Variants in MALRD1 observed in about 807,000 individuals in gnomAD.
The protein encoded by MALRD1 is MAM and LDL-receptor class A domain-containing protein 1.
Under a neutral mutation model 242.1 loss-of-function variants are expected in MALRD1, and 247 were observed. The observed-to-expected ratio is 1.02, with a 90% CI of 0.92 to 1.13. The LOEUF is 1.13. Among genes scored for constraint, MALRD1 ranks in the 50% most tolerant of loss-of-function variants. The pLI is 0.00. For missense variants in MALRD1, 2,989 were observed against 2,533.1 expected (o/e 1.18, Z -3.86); for synonymous variants, 995 against 866.6 (o/e 1.15, Z -2.60).
intron 2 of MALRD1, among the ~76,000 whole-genome samples, chr10:19,078,141 TTTTA>T (rs1252499006): frequency 2.6e-5 from 4 of 151,902 alleles, no homozygotes; most frequent in South Asian, 4.1e-4. Context: ...GAATTTTACA[TTTTA>T]TTTATTTATT....
At chr10:19,567,320 C>A (rs1222347058) in intron 32 of MALRD1, among the ~76,000 whole-genome samples, 182 bp from the exon 33 acceptor site, 1 of 151,844 alleles carries the variant, frequency 6.6e-6, no homozygotes, top group African/African-American at 2.4e-5. Context: ...TCCTACTAAC[C>A]CAGGAAAATA....
intron 29 of MALRD1, among the ~76,000 whole-genome samples, chr10:19,487,249 C>T (rs571288905): frequency 6.6e-6 from 1 of 151,932 alleles, no homozygotes; most frequent in Non-Finnish European, 1.5e-5. Context: ...ACCATTTTGG[C>T]TGAATAAAAA....
At chr10:19,511,488 A>G (rs1164343005) in intron 31 of MALRD1, among the ~76,000 whole-genome samples, 1 of 152,186 alleles carries the variant, frequency 6.6e-6, no homozygotes, top group Non-Finnish European at 1.5e-5. Flanking sequence ...AGGGTTATAT[A>G]TTTGTCTACA....
intron 7 of MALRD1, among the ~76,000 whole-genome samples, chr10:19,127,042 A>G (rs1169522824): frequency 3.9e-5 from 6 of 152,166 alleles, no homozygotes; most frequent in Non-Finnish European, 8.8e-5. Flanking sequence ...TTTGCTCAGG[A>G]TAATGGCTTC....
At chr10:19,312,668 A>C (rs981829065) in intron 21 of MALRD1, among the ~76,000 whole-genome samples, 1 of 151,270 alleles carries the variant, frequency 6.6e-6, no homozygotes, top group Non-Finnish European at 1.5e-5. Context: ...CAAAATGGTG[A>C]TCATCATTTA....
In MALRD1 at chr10:19,518,997, A is replaced by G. The variant is rs17200688; in HGVS notation, c.5321-12197A>G. Among the ~76,000 whole-genome samples, 402 of 152,304 alleles carry G rather than the reference A, an allele frequency of 2.6e-3. 7 individuals carry two copies. In the East Asian group the frequency reaches 0.05, roughly 19 times the overall value. ...TATGTAATGCAGGATCTCACTTTTT[A>G]ATGATATATGAATGTATCTCGGGTT... On this transcript the variant is annotated intron_variant, in intron 31 of 39. Coordinates refer to ENST00000454679, the MANE Select transcript of MALRD1 (RefSeq NM_001142308.3).
At chr10:19,546,785 T>C (rs1435450302) in intron 32 of MALRD1, among the ~76,000 whole-genome samples, 2 of 152,192 alleles carry the variant, frequency 1.3e-5, no homozygotes. Flanking sequence ...GTACCTGTGA[T>C]CCTGATTTTC....
At chr10:19,675,687 T>C (rs1026299472) in intron 36 of MALRD1, among the ~76,000 whole-genome samples, 3 of 152,242 alleles carry the variant, frequency 2.0e-5, no homozygotes, top group African/African-American at 7.2e-5. Context: ...TTGTTAACCG[T>C]AACATGTTGT....
At chr10:19,124,782 T>C in intron 7 of MALRD1, 112 bp downstream of exon 7, 1 of 882,088 alleles carries the variant, frequency 1.1e-6, no homozygotes, top group Non-Finnish European at 1.5e-6. Context: ...GTATATTTTA[T>C]TGAAAATACA....
intron 9 of MALRD1, among the ~76,000 whole-genome samples, chr10:19,135,472 A>C (rs1833304473): frequency 6.6e-6 from 1 of 152,140 alleles, no homozygotes; most frequent in Non-Finnish European, 1.5e-5. Context: ...ATGTTTTGAA[A>C]AGAAAATCTA....
At chr10:19,486,758 T>C (rs1308027044) in intron 29 of MALRD1, among the ~76,000 whole-genome samples, 1 of 152,174 alleles carries the variant, frequency 6.6e-6, no homozygotes, top group Non-Finnish European at 1.5e-5. Flanking sequence ...ATAATGATTA[T>C]ATCTGGTTCA....
chr10:19,159,211 A>G (rs1834293060), intron 12 of MALRD1, among the ~76,000 whole-genome samples: 1 of 152,252 alleles, frequency 6.6e-6, no homozygotes, highest in Admixed American at 6.5e-5. Context: ...TCACTATGGT[A>G]ATGGTGAGGG....
chr10:19,482,532 C>G (rs1055153301), intron 29 of MALRD1, among the ~76,000 whole-genome samples: 5 of 151,876 alleles, frequency 3.3e-5, no homozygotes, highest in Admixed American at 1.3e-4. Context: ...GCCCAAAAGA[C>G]TCTTCCAGAA....
In MALRD1 at chr10:19,707,892, T is replaced by G. The variant is rs113275937; in HGVS notation, c.6314+15338T>G. Among the ~76,000 whole-genome samples, 572 of 113,726 alleles carry G rather than the reference T, an allele frequency of 5.0e-3. 146 individuals are homozygous for G. The East Asian group carries it at 0.094, about 19-fold the overall frequency. 74.6% of individuals were successfully genotyped at this position (113,726 alleles called of 152,430 possible). A position where few individuals can be genotyped will look rare whatever the true frequency, so the allele number is the denominator to read the frequency against. ...GAATCGCTTGAACCCAGGAGGCAAA[T>G]GTTGTAGTGAGCTAAGATTGGAGAT... On this transcript the variant is annotated intron_variant, in intron 38 of 39. Transcript: ENST00000454679.
intron 36 of MALRD1, among the ~76,000 whole-genome samples, chr10:19,643,822 T>G (rs1840520460): frequency 6.6e-6 from 1 of 152,186 alleles, no homozygotes; most frequent in South Asian, 2.1e-4. Flanking sequence ...CTGGCCATCC[T>G]GGGCTGCGTC....
intron 1 of MALRD1, among the ~76,000 whole-genome samples, chr10:19,055,133 G>T (rs1184669497): frequency 6.6e-6 from 1 of 152,030 alleles, no homozygotes; most frequent in African/African-American, 2.4e-5. Context: ...GTTGTAATTT[G>T]CATTTTCCTA....
intron 38 of MALRD1, among the ~76,000 whole-genome samples, chr10:19,714,324 C>T (rs1044664474): frequency 2.2e-4 from 33 of 152,290 alleles, no homozygotes; most frequent in Admixed American, 2.1e-3. Context: ...AGTGGCTGGG[C>T]TCCCCTCCAA....
intron 29 of MALRD1, among the ~76,000 whole-genome samples, chr10:19,458,735 G>A (rs1401708922): frequency 6.6e-6 from 1 of 152,082 alleles, no homozygotes; most frequent in East Asian, 1.9e-4. Context: ...CATCGTTACA[G>A]ATTTATTTTG....
At chr10:19,461,660 A>T (rs1262485052) in intron 29 of MALRD1, among the ~76,000 whole-genome samples, 5 of 144,168 alleles carry the variant, frequency 3.5e-5, no homozygotes, top group Non-Finnish European at 6.0e-5. Flanking sequence ...CTTGGGCAAC[A>T]TAGTGAGACC....
Sources: gnomAD v4.1 joint callset for allele counts (sites outside exome capture counted in the v4.1 genomes callset) on GRCh38, gnomAD v4.1.1 for gene constraint, MANE v1.5 for transcripts, NCBI Gene and HGNC (gene_info 2026-07-23, HGNC 2026-07-21) for gene names.